ZC3H3: variants seen among roughly 807,000 people sequenced by gnomAD.
ZC3H3 encodes the protein zinc finger CCCH-type containing 3, also known as zinc finger CCCH domain-containing protein 3.
Under a neutral mutation model 77.3 loss-of-function variants are expected in ZC3H3, and 36 were observed. The ratio of observed to expected loss-of-function variants is 0.47; its 90% confidence interval spans 0.36 to 0.61. ZC3H3 has a LOEUF of 0.61. Ranked by LOEUF, ZC3H3 falls within the 20% of genes least tolerant of loss-of-function variation. The probability of loss-of-function intolerance (pLI) is 0.00; values close to 1 mark genes in which losing one functional copy is unlikely to be tolerated. For missense variants in ZC3H3, 1,331 were observed against 1,312.2 expected (o/e 1.01, Z -0.22); for synonymous variants, 626 against 555.2 (o/e 1.13, Z -1.79).
intron 3 of ZC3H3, among the ~76,000 whole-genome samples, chr8:143,521,178 G>C (rs2130465398): frequency 6.6e-6 from 1 of 152,148 alleles, no homozygotes; most frequent in East Asian, 1.9e-4. Context: ...CCTCCCAAGA[G>C]GCCTTGCCAA....
Position 143,465,841 on chromosome 8 carries a change from A to G in ZC3H3, c.2183T>C (p.Val728Ala), listed in dbSNP as rs763551546. The change falls in exon 9 of 12, where the codon GTG becomes GCG. Residue 728 changes from valine to alanine, a missense_variant. Around this residue, in one of 3 missense-constraint regions of ZC3H3, gnomAD observed 104 missense variants for 159.7 expected, o/e 0.65. Transcript: ENST00000262577. ...GATGCCCTTCAGGAAGTAGGAGCAC[A>G]CCGGCATCTGCAGGGAGGGCCGGCA... ...SHHVSKEKMP[V>A]CSYFLKGICS... 1.2e-6 allele frequency: 2 copies of G among 1,611,046 alleles called. No individual in the cohort carries two copies. The highest frequency in any genetic ancestry group is 2.2e-5 in the East Asian group (1 of 44,860).
Position 143,512,182 on chromosome 8 carries a change from G to A in ZC3H3, c.1562-4283C>T, listed in dbSNP as rs541576005. ...AGGGGCTAGTCCAGGTGCAGCCCCC[G>A]GGGCCACTGCAGCGCTGCCCAGGGT... On this transcript the variant is annotated intron_variant, in intron 3 of 11. Coordinates refer to ENST00000262577, the MANE Select transcript of ZC3H3 (RefSeq NM_015117.3). 9.2e-5 allele frequency among the ~76,000 whole-genome samples: 14 copies of A among 152,348 alleles called. No homozygotes were observed. In the South Asian group the frequency reaches 2.1e-3, roughly 23 times the overall value.
At chr8:143,485,137 G>A (rs1206940720) in intron 4 of ZC3H3, among the ~76,000 whole-genome samples, 3 of 152,234 alleles carry the variant, frequency 2.0e-5, no homozygotes, top group African/African-American at 2.4e-5. Flanking sequence ...CAGCAGGGGC[G>A]CCGGGCCAAC....
intron 9 of ZC3H3, among the ~76,000 whole-genome samples, chr8:143,454,014 G>A (rs1442687601): frequency 6.6e-6 from 1 of 151,986 alleles, no homozygotes; most frequent in East Asian, 1.9e-4. Flanking sequence ...TCAGTTACCT[G>A]AAGTCAACTG....
At chr8:143,541,274 A>T in intron 1 of ZC3H3, 102 bp downstream of exon 1, 2 of 1,574,212 alleles carry the variant, frequency 1.3e-6, no homozygotes, top group Non-Finnish European at 1.7e-6. Context: ...GCCACCCAGA[A>T]CACGCGGGCG....
At chr8:143,502,908 G>A (rs1821568429) in intron 4 of ZC3H3, among the ~76,000 whole-genome samples, 1 of 152,240 alleles carries the variant, frequency 6.6e-6, no homozygotes, top group Non-Finnish European at 1.5e-5. Context: ...GCAGTCCTGG[G>A]GCCCGGGGGA....
intron 4 of ZC3H3, among the ~76,000 whole-genome samples, chr8:143,477,072 G>T (rs1563849618): frequency 6.6e-6 from 1 of 152,120 alleles, no homozygotes; most frequent in Non-Finnish European, 1.5e-5. Flanking sequence ...CCTTCTGTCG[G>T]GTTCCACCGC....
At chr8:143,495,580 T>C (rs1364023834) in intron 4 of ZC3H3, among the ~76,000 whole-genome samples, 1 of 152,058 alleles carries the variant, frequency 6.6e-6, no homozygotes, top group Non-Finnish European at 1.5e-5. Flanking sequence ...GCATGCGTTT[T>C]GGGGTTTCTG....
chr8:143,536,573 C>A (rs905771740), intron 2 of ZC3H3, 120 bp from the exon 3 acceptor site: 5 of 1,104,186 alleles, frequency 4.5e-6, no homozygotes, highest in South Asian at 1.7e-5. Context: ...CAGGCCACAG[C>A]GGGTCCTTTC....
At chr8:143,459,579 C>A (rs1820204631) in intron 9 of ZC3H3, among the ~76,000 whole-genome samples, 1 of 152,032 alleles carries the variant, frequency 6.6e-6, no homozygotes, top group South Asian at 2.1e-4. Context: ...GATTACACAT[C>A]ATAACCAATT....
intron 5 of ZC3H3, among the ~76,000 whole-genome samples, chr8:143,472,568 TG>T (rs1820600092): frequency 6.6e-6 from 1 of 152,090 alleles, no homozygotes; most frequent in Non-Finnish European, 1.5e-5. Flanking sequence ...ATCCGGGTGG[TG>T]GGCACCGTGT....
chr8:143,513,638 G>A lies in ZC3H3; in HGVS notation c.1562-5739C>T, dbSNP rs61299024. 8.8e-3 allele frequency among the ~76,000 whole-genome samples: 1,348 copies of A among 152,332 alleles called. 17 individuals carry two copies. The highest frequency in any genetic ancestry group is 0.031 in the African/African-American group (1,278 of 41,566). Reference sequence around the variant, plus strand: ...ATGTCTGAGCGGGGCGCAGACCCCCGGGCCTGCTTGGGGTACAGCGCCTGC... The same window carrying A: ...ATGTCTGAGCGGGGCGCAGACCCCCAGGCCTGCTTGGGGTACAGCGCCTGC... On this transcript the variant is annotated intron_variant, in intron 3 of 11. Coordinates refer to ENST00000262577, the MANE Select transcript of ZC3H3 (RefSeq NM_015117.3).
rs1467272812 is a variant in ZC3H3 at position 143,516,542 on chromosome 8, C to CACACAT, written c.1562-8644_1562-8643insATGTGT. Among the ~76,000 whole-genome samples, 23 of 140,608 alleles carry CACACAT rather than the reference C, an allele frequency of 1.6e-4. No individual in the cohort carries two copies. The East Asian group carries it at 4.6e-3, about 28-fold the overall frequency. 92.2% of individuals were successfully genotyped at this position (140,608 alleles called of 152,430 possible). A position where few individuals can be genotyped will look rare whatever the true frequency, so the allele number is the denominator to read the frequency against. On this transcript the variant is annotated intron_variant, in intron 3 of 11. Transcript: ENST00000262577. The stretch of plus-strand genomic sequence containing the variant: ...CTTTGCAATCACACACACACACACA[C>CACACAT]ACACACACACACACACACACACACA...
chr8:143,463,215 C>T (rs1158658092), intron 9 of ZC3H3, among the ~76,000 whole-genome samples: 26 of 152,036 alleles, frequency 1.7e-4, no homozygotes, highest in Admixed American at 1.7e-3. Context: ...GAACTCCTGA[C>T]CTCAGGTGAT....
intron 4 of ZC3H3, among the ~76,000 whole-genome samples, chr8:143,500,785 C>G (rs554824683): frequency 1.4e-4 from 21 of 151,838 alleles, no homozygotes; most frequent in African/African-American, 4.6e-4. Flanking sequence ...TCTCACAGAC[C>G]CCACCTCCCC....
At chr8:143,496,209 A>G (rs1419226661) in intron 4 of ZC3H3, among the ~76,000 whole-genome samples, 1 of 152,126 alleles carries the variant, frequency 6.6e-6, no homozygotes, top group Non-Finnish European at 1.5e-5. Context: ...TGGGAGTGGG[A>G]GCAGACACTC....
At chr8:143,459,847 T>C (rs1447722373) in intron 9 of ZC3H3, among the ~76,000 whole-genome samples, 2 of 152,164 alleles carry the variant, frequency 1.3e-5, no homozygotes, top group Admixed American at 6.6e-5. Flanking sequence ...TAAAAGCCCA[T>C]AGCTTACGTC....
rs917709650 is a variant in ZC3H3, at chr8:143,462,753, G to C, written c.2307+2964C>G. ...AGATGCAGGAGGGCCAAGGTGTGCA[G>C]GAGCTCTCAATGCAGAGGTGGGGAT... is the stretch of plus-strand genomic sequence containing the variant. On this transcript the variant is annotated intron_variant, in intron 9 of 11. Transcript: ENST00000262577. The surrounding 1 kb of genome is among the most constrained non-coding windows in gnomAD (Gnocchi z 4.7). Among the ~76,000 whole-genome samples the C allele has an allele frequency of 2.6e-5, 4 of 152,340 alleles. No individual in the cohort carries two copies. The East Asian group carries it at 5.8e-4, about 22-fold the overall frequency.
rs541038189 is a variant in ZC3H3 at position 143,476,090 on chromosome 8, C to T, written c.1716-505G>A. Among the ~76,000 whole-genome samples, 266 of 152,272 alleles carry T rather than the reference C, an allele frequency of 1.7e-3. 1 individual carries two copies. The highest frequency in any genetic ancestry group is 2.9e-3 in the Non-Finnish European group (195 of 68,008). Reference sequence around the variant, plus strand: ...CACCTGGGCTGAGGCTCCCTTGAGTCGGCTTCAAGGCTGGGGCTATTTCTA... The same window carrying T: ...CACCTGGGCTGAGGCTCCCTTGAGTTGGCTTCAAGGCTGGGGCTATTTCTA... On this transcript the variant is annotated intron_variant, in intron 4 of 11. Transcript: ENST00000262577.
Sources: allele counts gnomAD v4.1 joint callset (sites outside exome capture counted in the v4.1 genomes callset), GRCh38; gene constraint gnomAD v4.1.1; regional missense constraint gnomAD v4.1.1; non-coding constraint Gnocchi (gnomAD v3.1); transcripts MANE v1.5; gene names NCBI Gene and HGNC (gene_info 2026-07-23, HGNC 2026-07-21).